The following MSTO1 variants were observed in gnomAD, a reference collection of about 807,000 sequenced individuals.
MSTO1 encodes the protein protein misato homolog 1.
MSTO1 carries 24 observed loss-of-function variants against 55.7 expected under a neutral mutation model. That is an observed-to-expected ratio of 0.43 (90% CI 0.31 to 0.61). The LOEUF (loss-of-function observed/expected upper bound fraction) is 0.61, where lower values mean the gene tolerates loss of function less well. Among genes scored for constraint, MSTO1 ranks in the 20% least tolerant of loss-of-function variants. The pLI is 0.09. For synonymous variants in MSTO1, 162 were observed against 252.8 expected, an observed-to-expected ratio of 0.64 and a Z score of 3.41; for missense variants, 363 against 625.7, an observed-to-expected ratio of 0.58 and a Z score of 4.48.
intron 13 of MSTO1, 127 bp from the exon 14 acceptor site, chr1:155,613,924 ACTAAGGGG>A (rs1675051468): frequency 1.5e-6 from 1 of 680,758 alleles, no homozygotes; most frequent in South Asian, 1.9e-5. Context: ...GTACTGGTGT[ACTAAGGGG>A]ACAATACACC....
chr1:155,573,795 G>A, the MSTO1 span, among the ~76,000 whole-genome samples: 1 of 145,994 alleles, frequency 6.8e-6, no homozygotes, highest in South Asian at 2.1e-4. Flanking sequence ...CCGAGATCAC[G>A]CTATTGCACT....
At chr1:155,607,724 C>T (rs974410791), upstream of MSTO1, among the ~76,000 whole-genome samples, 5 of 152,146 alleles carry the variant, frequency 3.3e-5, no homozygotes, top group South Asian at 2.1e-4. Context: ...AAATAGTAGC[C>T]GGGCATATTG....
At chr1:155,591,177 A>G in the MSTO1 span, 7 of 1,612,964 alleles carry the variant, frequency 4.3e-6, no homozygotes, top group Non-Finnish European at 5.9e-6. Flanking sequence ...CACTTTCCAC[A>G]TGGGCAGGAC....
rs1369814493 is a variant in MSTO1, at chr1:155,612,506, C to T, written c.902C>T (p.Ser301Phe). The change falls in exon 9 of 14, where the codon TCC (serine) becomes TTC (phenylalanine). Residue 301 changes from serine (S) to phenylalanine (F), a missense_variant. Ser to Phe is a radical substitution (Grantham distance 155, BLOSUM62 -2). This residue lies in a region of MSTO1 where 231 missense variants were observed against 286.9 expected (regional missense o/e 0.81). Coordinates refer to ENST00000245564, the MANE Select transcript of MSTO1 (RefSeq NM_018116.4). ...CACAGCTCTCTTGTCTGCCCCTTGT[C>T]CTTGGGTGGGAGCCTGGGCCTGCGA... The part of the protein sequence containing the change: ...TAHSSLVCPL[S>F]LGGSLGLRPE... The T allele has an allele frequency of 2.5e-6, 4 of 1,613,838 alleles. No homozygotes were observed. The highest frequency in any genetic ancestry group is 1.1e-5 in the South Asian group (1 of 91,082).
chr1:155,603,863 GA>G, the MSTO1 span, among the ~76,000 whole-genome samples: 11 of 148,066 alleles, frequency 7.4e-5, no homozygotes, highest in South Asian at 4.2e-4. Context: ...GTCTCCAAAA[GA>G]AAAAAAAAAT....
the MSTO1 span, among the ~76,000 whole-genome samples, chr1:155,573,238 T>C: frequency 2.0e-5 from 3 of 151,946 alleles, no homozygotes; most frequent in South Asian, 2.1e-4. Context: ...TTAATTGATC[T>C]GAGGCACACT....
the MSTO1 span, among the ~76,000 whole-genome samples, chr1:155,572,912 A>G: frequency 2.0e-5 from 3 of 152,050 alleles, no homozygotes; most frequent in African/African-American, 7.2e-5. Flanking sequence ...GGCCTCCCAA[A>G]GTGCTCAGAT....
the MSTO1 span, among the ~76,000 whole-genome samples, chr1:155,582,599 CA>C: frequency 0.96 from 146,271 of 152,010 alleles, 70,659 homozygotes; most frequent in East Asian, 1. Flanking sequence ...GCTGGGATTA[CA>C]AGGTGCCCAC....
At chr1:155,588,048 A>G in the MSTO1 span, among the ~76,000 whole-genome samples, 1 of 151,834 alleles carries the variant, frequency 6.6e-6, no homozygotes, top group East Asian at 1.9e-4. Context: ...TCTACTAAAA[A>G]AAATACAAAC....
chr1:155,579,428 T>C, the MSTO1 span, among the ~76,000 whole-genome samples: 1 of 152,144 alleles, frequency 6.6e-6, no homozygotes, highest in Non-Finnish European at 1.5e-5. Context: ...TGAAGAACTT[T>C]TATTAAAAGC....
chr1:155,593,361 C>A, the MSTO1 span, among the ~76,000 whole-genome samples: 37,685 of 152,138 alleles, frequency 0.25, 5,540 homozygotes, highest in East Asian at 0.7. Flanking sequence ...GATTCCTTCT[C>A]TTCCAAGCAT....
At chr1:155,569,127 TTTTA>T in the MSTO1 span, among the ~76,000 whole-genome samples, 1 of 151,868 alleles carries the variant, frequency 6.6e-6, no homozygotes, top group Non-Finnish European at 1.5e-5. Context: ...GGTTTTTTAT[TTTTA>T]TTTATTTATT....
chr1:155,564,584 T>A, the MSTO1 span, among the ~76,000 whole-genome samples: 28 of 152,306 alleles, frequency 1.8e-4, no homozygotes, highest in African/African-American at 6.7e-4. Context: ...GTGGATTAAG[T>A]GTTGTTTACT....
the MSTO1 span, among the ~76,000 whole-genome samples, chr1:155,592,872 C>T: frequency 6.6e-6 from 1 of 151,408 alleles, no homozygotes; most frequent in African/African-American, 2.4e-5. Flanking sequence ...TTAAATGGTT[C>T]AGAGGTTTCT....
At position 155,612,848 on chromosome 1, in the gene MSTO1, C is replaced by T. The variant is rs622288; in HGVS notation, c.971C>T (p.Thr324Ile). The T allele has an allele frequency of 3.8e-5, 62 of 1,613,770 alleles. No homozygotes were observed. The highest frequency in any genetic ancestry group is 1.7e-4 in the Middle Eastern group (1 of 6,046). The change falls in exon 10 of 14, where the codon ACT becomes ATT. Residue 324 changes from threonine (T) to isoleucine (I), a missense_variant. Coordinates refer to ENST00000245564, the MANE Select transcript of MSTO1 (RefSeq NM_018116.4). ...VSFPYLHYDA[T>I]LPFHCSAILA... ...CATCTTGGTGTCTTCTTACAGGCCA[C>T]TCTGCCCTTCCACTGCAGTGCCATC...
At chr1:155,593,412 A>G in the MSTO1 span, among the ~76,000 whole-genome samples, 2 of 152,220 alleles carry the variant, frequency 1.3e-5, no homozygotes, top group Non-Finnish European at 2.9e-5. Flanking sequence ...ACATGATACA[A>G]TTCTAAAAAA....
At chr1:155,566,222 G>C in the MSTO1 span, 2 of 152,194 alleles carry the variant, frequency 1.3e-5, no homozygotes, top group Non-Finnish European at 2.9e-5. Context: ...TCTTGTGTGA[G>C]ATCACACGTT....
At chr1:155,572,253 G>A in the MSTO1 span, among the ~76,000 whole-genome samples, 1 of 152,076 alleles carries the variant, frequency 6.6e-6, no homozygotes, top group African/African-American at 2.4e-5. Flanking sequence ...TCCCTCAGCT[G>A]TGACAACCAA....
chr1:155,609,988 A>G, upstream of MSTO1: 1 of 496,812 alleles, frequency 2.0e-6, no homozygotes, highest in Non-Finnish European at 3.6e-6. Flanking sequence ...GACGGCGCCC[A>G]CCCCGCTCCA....
Sources: allele counts gnomAD v4.1 joint callset (sites outside exome capture counted in the v4.1 genomes callset), GRCh38; gene constraint gnomAD v4.1.1; regional missense constraint gnomAD v4.1.1; transcripts MANE v1.5; gene names NCBI Gene and HGNC (gene_info 2026-07-23, HGNC 2026-07-21).